FGF12: variants seen among roughly 807,000 people sequenced by gnomAD.
FGF12 encodes the protein fibroblast growth factor 12B.
Under a neutral mutation model 23.6 loss-of-function variants are expected in FGF12, and 14 were observed. The observed-to-expected ratio is 0.59, with a 90% CI of 0.39 to 0.93. FGF12 has a LOEUF of 0.93. FGF12 is among the 40% of genes least tolerant of loss of function. The pLI is 0.00. For missense variants in FGF12, 175 were observed against 217.8 expected, an observed-to-expected ratio of 0.80 and a Z score of 1.24; for synonymous variants, 62 against 77.3, an observed-to-expected ratio of 0.80 and a Z score of 1.04.
chr3:192,342,045 C>T (rs1717717594), intron 3 of FGF12, among the ~76,000 whole-genome samples: 1 of 152,220 alleles, frequency 6.6e-6, no homozygotes, highest in South Asian at 2.1e-4. Flanking sequence ...GTTGTGGTCT[C>T]TAGTGAAAAG....
chr3:192,667,983 A>G (rs565909721), intron 2 of FGF12, among the ~76,000 whole-genome samples: 35 of 152,320 alleles, frequency 2.3e-4, no homozygotes, highest in Non-Finnish European at 5.9e-5. Context: ...ATAATAATGT[A>G]TACATGCAAA....
intron 2 of FGF12, among the ~76,000 whole-genome samples, chr3:192,418,128 T>C (rs1386653778): frequency 6.6e-6 from 1 of 152,140 alleles, no homozygotes; most frequent in Non-Finnish European, 1.5e-5. Context: ...CAAATTACTC[T>C]CCACATTGTA....
chr3:192,503,245 A>T (rs1724185842), intron 2 of FGF12, among the ~76,000 whole-genome samples: 1 of 152,204 alleles, frequency 6.6e-6, no homozygotes, highest in African/African-American at 2.4e-5. Flanking sequence ...TTTTAGTCAC[A>T]GGTTAATGAG....
At chr3:192,649,430 C>T (rs1716129790) in intron 2 of FGF12, among the ~76,000 whole-genome samples, 2 of 152,090 alleles carry the variant, frequency 1.3e-5, no homozygotes, top group Admixed American at 6.6e-5. Context: ...CGTTTTAATT[C>T]TTAATTCATA....
At chr3:192,532,861 C>T (rs1725126410) in intron 2 of FGF12, among the ~76,000 whole-genome samples, 1 of 152,004 alleles carries the variant, frequency 6.6e-6, no homozygotes. Context: ...ATTTTTAATG[C>T]ATAGTCATTT....
At chr3:192,708,116 C>T (rs984201272) in intron 2 of FGF12, among the ~76,000 whole-genome samples, 3 of 152,082 alleles carry the variant, frequency 2.0e-5, no homozygotes, top group Non-Finnish European at 4.4e-5. Flanking sequence ...CCTGCCACCA[C>T]ACCCGGCCAA....
At position 192,576,236 on chromosome 3, in the gene FGF12, A is replaced by G. The variant is rs188215684; in HGVS notation, c.13+150945T>C. ...CAGCACAGGGAAAGAACCATCTCTC[A>G]CTTTATAATATGTAAAACAATTTCA... On this transcript the variant is annotated intron_variant, in intron 2 of 5. Coordinates refer to ENST00000445105, the MANE Select transcript of FGF12 (RefSeq NM_004113.6). 6.0e-3 allele frequency among the ~76,000 whole-genome samples: 912 copies of G among 152,306 alleles called. 6 individuals are homozygous for G. The highest frequency in any genetic ancestry group is 0.041 in the South Asian group (198 of 4,826).
intron 4 of FGF12, among the ~76,000 whole-genome samples, chr3:192,216,543 C>T (rs947345406): frequency 3.0e-4 from 45 of 152,120 alleles, no homozygotes; most frequent in Middle Eastern, 3.4e-3. Context: ...TTTTTTATAA[C>T]GTGTAATAAA....
chr3:192,329,025 G>A (rs7637177), intron 4 of FGF12, among the ~76,000 whole-genome samples: 8,275 of 152,200 alleles, frequency 0.054, 733 homozygotes, highest in African/African-American at 0.18. Context: ...AATTTGTTCC[G>A]TCTATACTTG....
chr3:192,487,522 C>G (rs948380503), intron 2 of FGF12, among the ~76,000 whole-genome samples: 9 of 152,076 alleles, frequency 5.9e-5, no homozygotes, highest in African/African-American at 9.7e-5. Context: ...ATGCTTGTTT[C>G]TGAAGACATT....
chr3:192,231,150 C>G (rs903444832), intron 4 of FGF12, among the ~76,000 whole-genome samples: 13 of 152,136 alleles, frequency 8.5e-5, no homozygotes, highest in African/African-American at 2.7e-4. Context: ...GGAAATATCT[C>G]TGACAGAGTT....
Position 192,514,756 on chromosome 3 carries a change from A to C in FGF12, c.14-154218T>G, listed in dbSNP as rs766799430. The C allele has an allele frequency of 1.0e-6, 1 of 985,340 alleles. No homozygotes were observed. Among genetic ancestry groups the C allele is most frequent in the Non-Finnish European group, 1.2e-6 (1 of 829,880 alleles). The allele number at this position is 985,340 out of a possible 1,614,324, so 61.0% of individuals were successfully genotyped here. A position where few individuals can be genotyped will look rare whatever the true frequency, so the allele number is the denominator to read the frequency against. ...CTTCAGAGAAAGCTCAAGAATCTTC[A>C]TGGAGAAGCGCGTGTGTGGGGTTGG... On this transcript the variant is annotated intron_variant, in intron 2 of 5. Transcript: ENST00000445105. The surrounding 1 kb of genome is among the most constrained non-coding windows in gnomAD (Gnocchi z 4.9).
intron 4 of FGF12, among the ~76,000 whole-genome samples, chr3:192,298,951 T>C (rs1045779602): frequency 3.9e-5 from 6 of 152,144 alleles, no homozygotes; most frequent in Non-Finnish European, 8.8e-5. Context: ...ACAGATCTCA[T>C]TGGAACTAAG....
chr3:192,325,337 A>G (rs1439328696), intron 4 of FGF12, among the ~76,000 whole-genome samples: 1 of 152,176 alleles, frequency 6.6e-6, no homozygotes, highest in Non-Finnish European at 1.5e-5. Flanking sequence ...CGAGCATATG[A>G]GAAGAAAAAA....
intron 4 of FGF12, among the ~76,000 whole-genome samples, chr3:192,175,121 T>G (rs1282406940): frequency 6.6e-6 from 1 of 152,152 alleles, no homozygotes; most frequent in African/African-American, 2.4e-5. Context: ...TCACATATAT[T>G]CAGAAGGGGT....
At chr3:192,247,052 G>T (rs377406933) in intron 4 of FGF12, among the ~76,000 whole-genome samples, 1 of 89,586 alleles carries the variant, frequency 1.1e-5, no homozygotes, top group Non-Finnish European at 2.3e-5. Context: ...AAGGAAGGAA[G>T]GAAGGAAGGA....
In FGF12 at chr3:192,465,322, G is replaced by A. The variant is rs538411618; in HGVS notation, c.14-104784C>T. Among the ~76,000 whole-genome samples, 33 of 152,212 alleles carry A rather than the reference G, an allele frequency of 2.2e-4. 1 individual carries two copies. The South Asian group carries it at 5.0e-3, about 23-fold the overall frequency. On this transcript the variant is annotated intron_variant, in intron 2 of 5. Coordinates refer to ENST00000445105, the MANE Select transcript of FGF12 (RefSeq NM_004113.6). ...CAAAAATCCCAAATTCCGAAACACC[G>A]TCTAAAAATATACAATCAGGTAAAA...
At chr3:192,447,937 A>G (rs1394913462) in intron 2 of FGF12, among the ~76,000 whole-genome samples, 2 of 152,192 alleles carry the variant, frequency 1.3e-5, no homozygotes, top group African/African-American at 4.8e-5. Context: ...GACTTTTAGC[A>G]CCATAAATTC....
chr3:192,657,967 G>A (rs975866901), intron 2 of FGF12, among the ~76,000 whole-genome samples: 13 of 116,074 alleles, frequency 1.1e-4, no homozygotes, highest in Non-Finnish European at 2.5e-4. Context: ...TGAGTACCAC[G>A]AGACTATTTG....
Sources: gnomAD v4.1 joint callset for allele counts (sites outside exome capture counted in the v4.1 genomes callset) on GRCh38, gnomAD v4.1.1 for gene constraint, Gnocchi (gnomAD v3.1) non-coding constraint, MANE v1.5 for transcripts, NCBI Gene and HGNC (gene_info 2026-07-23, HGNC 2026-07-21) for gene names.